SCN9A: variants seen among roughly 807,000 people sequenced by gnomAD.
SCN9A encodes the protein sodium voltage-gated channel alpha subunit 9.
SCN9A carries 131 observed loss-of-function variants against 187.0 expected under a neutral mutation model. The observed-to-expected ratio is 0.70, with a 90% CI of 0.61 to 0.81. The LOEUF is 0.81. Among genes scored for constraint, SCN9A ranks in the 30% least tolerant of loss-of-function variants. The pLI, the probability that SCN9A is intolerant of heterozygous loss-of-function variation, is 0.00. For missense variants in SCN9A, 2,252 were observed against 2,396.6 expected (o/e 0.94, Z 1.26); for synonymous variants, 809 against 808.6 (o/e 1.00, Z -0.01).
rs1698969953 is a variant in SCN9A at position 166,311,747 on chromosome 2, A to G, written c.10T>C (p.Leu4=). Residue 4 remains leucine (L), a synonymous_variant, in exon 2 of 27, where the codon TTG becomes CTG. Transcript: ENST00000642356. MAM[L]PPPGPQSFVH... ...AAGCTCTGAGGTCCTGGGGGAGGCA[A>G]CATTGCCATCTTTTCATCCTGTATA... is the stretch of plus-strand genomic sequence containing the variant. 6.2e-7 allele frequency: 1 copy of G among 1,601,974 alleles called. No individual in the cohort carries two copies. Among genetic ancestry groups the G allele is most frequent in the East Asian group, 2.2e-5 (1 of 44,740 alleles).
intron 1 of SCN9A, among the ~76,000 whole-genome samples, chr2:166,369,403 G>T (rs1700496686): frequency 1.3e-5 from 2 of 152,008 alleles, no homozygotes; most frequent in African/African-American, 4.8e-5. Flanking sequence ...ATTTTGAAAG[G>T]CACTTCTCTG....
intron 6 of SCN9A, 44 bp from the exon 7 acceptor site, chr2:166,303,346 T>C: frequency 6.7e-7 from 1 of 1,487,124 alleles, no homozygotes; most frequent in Non-Finnish European, 9.2e-7. Context: ...ATAAAGCCTC[T>C]GAATCGAAAC....
intron 18 of SCN9A, among the ~76,000 whole-genome samples, chr2:166,246,610 G>A (rs1204577929): frequency 6.6e-6 from 1 of 151,964 alleles, no homozygotes; most frequent in Admixed American, 6.6e-5. Flanking sequence ...TTTAGAATTT[G>A]TCTTAAACTT....
chr2:166,217,396 C>T (rs1220014288), intron 24 of SCN9A, among the ~76,000 whole-genome samples: 2 of 151,788 alleles, frequency 1.3e-5, no homozygotes, highest in Admixed American at 6.6e-5. Flanking sequence ...TTACAGCAAA[C>T]GAAGCAATAA....
At chr2:166,247,769 C>A (rs188322092) in intron 18 of SCN9A, among the ~76,000 whole-genome samples, 1 of 152,076 alleles carries the variant, frequency 6.6e-6, no homozygotes, top group African/African-American at 2.4e-5. Context: ...GGTTATTTTT[C>A]GCTAACTCTA....
At chr2:166,276,174 A>G (rs558132501) in intron 16 of SCN9A, among the ~76,000 whole-genome samples, 1 of 152,260 alleles carries the variant, frequency 6.6e-6, no homozygotes, top group African/African-American at 2.4e-5. Context: ...AATAAAAAAA[A>G]AGTACAAGCC....
At chr2:166,298,151 C>G (rs1698400471) in intron 7 of SCN9A, among the ~76,000 whole-genome samples, 2 of 152,260 alleles carry the variant, frequency 1.3e-5, no homozygotes, top group African/African-American at 4.8e-5. Flanking sequence ...ACTCTACACT[C>G]TGGCAAATGT....
chr2:166,368,754 T>C (rs1700480345), intron 1 of SCN9A, among the ~76,000 whole-genome samples: 1 of 148,312 alleles, frequency 6.7e-6, no homozygotes, highest in African/African-American at 2.5e-5. Context: ...TTGGGGGGCC[T>C]AGGCGGGCAG....
At chr2:166,242,336 G>T (rs1695602687) in intron 19 of SCN9A, among the ~76,000 whole-genome samples, 166 bp downstream of exon 19, 1 of 151,984 alleles carries the variant, frequency 6.6e-6, no homozygotes, top group South Asian at 2.1e-4. Context: ...TGGCATGTAG[G>T]AGTGCTCAGT....
At chr2:166,299,115 G>A (rs1167225422) in intron 7 of SCN9A, among the ~76,000 whole-genome samples, 3 of 151,912 alleles carry the variant, frequency 2.0e-5, no homozygotes, top group Admixed American at 6.6e-5. Flanking sequence ...TCACTTTCAC[G>A]AGGACTTGAC....
At chr2:166,355,328 A>AT (rs1700126558) in intron 1 of SCN9A, among the ~76,000 whole-genome samples, 1 of 152,056 alleles carries the variant, frequency 6.6e-6, no homozygotes, top group African/African-American at 2.4e-5. Context: ...GTAAGCATAT[A>AT]TTTTCCCACA....
rs1034525954 is a variant in SCN9A, at chr2:166,197,431, A to T, written c.*1241T>A. 1 of 152,158 alleles carries T rather than the reference A, an allele frequency of 6.6e-6. No individual in the cohort carries two copies. Among genetic ancestry groups the T allele is most frequent in the African/African-American group, 2.4e-5 (1 of 41,454 alleles). 9.4% of individuals were successfully genotyped at this position (152,158 alleles called of 1,614,324 possible). ...AGGTGACATCTTCCTCATTGTATAC[A>T]TTGAAGTATATCCAAAAAAGATTAC... On this transcript the variant is annotated 3_prime_UTR_variant, in exon 27 of 27. Transcript: ENST00000642356.
intron 17 of SCN9A, among the ~76,000 whole-genome samples, chr2:166,255,507 G>A (rs1410015353): frequency 6.6e-6 from 1 of 151,276 alleles, no homozygotes; most frequent in Non-Finnish European, 1.5e-5. Flanking sequence ...TCCAAGAGGT[G>A]TGAGGTAGGA....
At chr2:166,234,750 A>T (rs76250696) in intron 20 of SCN9A, among the ~76,000 whole-genome samples, 10,048 of 150,572 alleles carry the variant, frequency 0.067, 376 homozygotes, top group Non-Finnish European at 0.09. Context: ...TAATCAGAAA[A>T]TTTTTTTTTT....
At position 166,286,618 on chromosome 2, in the gene SCN9A, A is replaced by C; in HGVS notation, c.1320T>G (p.Ile440Met). Residue 440 changes from isoleucine to methionine, a missense_variant, in exon 11 of 27, where the codon ATT becomes ATG. Physicochemically the swap from Ile to Met is conservative, Grantham distance 10. Around this residue, in one of 7 missense-constraint regions of SCN9A, gnomAD observed 1,013 missense variants for 997.4 expected, o/e 1.02. Transcript: ENST00000642356. ...LKKEQEEAEA[I>M]AAAAAEYTSI... is the part of the protein sequence containing the mutation. ...TTGTATATTCAGCCGCTGCCGCTGC[A>C]ATTGCCTGGTTGGGCCAAGACGTTA... 1 of 1,542,738 alleles carries C rather than the reference A, an allele frequency of 6.5e-7. No homozygotes were observed. Among genetic ancestry groups the C allele is most frequent in the Non-Finnish European group, 8.7e-7 (1 of 1,149,844 alleles).
intron 1 of SCN9A, among the ~76,000 whole-genome samples, chr2:166,338,844 C>T (rs1009080850): frequency 3.3e-5 from 5 of 152,004 alleles, no homozygotes; most frequent in African/African-American, 9.7e-5. Context: ...GAAACTAAAG[C>T]GTTATCTATG....
At chr2:166,329,476 T>C (rs1239121793) in intron 1 of SCN9A, among the ~76,000 whole-genome samples, 1 of 151,972 alleles carries the variant, frequency 6.6e-6, no homozygotes, top group East Asian at 1.9e-4. Context: ...ATTGGATACA[T>C]GTAGATAGTA....
chr2:166,222,744 A>AAC (rs1694644419), intron 24 of SCN9A, among the ~76,000 whole-genome samples: 1 of 144,446 alleles, frequency 6.9e-6, no homozygotes, highest in African/African-American at 2.8e-5. Flanking sequence ...CATCCTGGCT[A>AAC]ACAGGGTGAA....
At chr2:166,200,613 T>C (rs547581516) in intron 26 of SCN9A, among the ~76,000 whole-genome samples, 7 of 152,346 alleles carry the variant, frequency 4.6e-5, no homozygotes, top group African/African-American at 1.7e-4. Context: ...AATGTATTCA[T>C]GTTATATAAG....
Sources: allele counts gnomAD v4.1 joint callset (sites outside exome capture counted in the v4.1 genomes callset), GRCh38; gene constraint gnomAD v4.1.1; regional missense constraint gnomAD v4.1.1; transcripts MANE v1.5; gene names NCBI Gene and HGNC (gene_info 2026-07-23, HGNC 2026-07-21).